Variants in ZFP14 observed in about 807,000 individuals in gnomAD.
ZFP14 encodes zinc finger protein 14 homolog.
In ZFP14, 22 loss-of-function variants were observed where a neutral mutation model predicts 54.5. That is an observed-to-expected ratio of 0.40 (90% CI 0.29 to 0.58). ZFP14 has a LOEUF of 0.58. Among genes scored for constraint, ZFP14 ranks in the 20% least tolerant of loss-of-function variants. The probability of loss-of-function intolerance (pLI) is 0.39; values close to 1 mark genes in which losing one functional copy is unlikely to be tolerated. For synonymous variants in ZFP14, 159 were observed against 204.0 expected (o/e 0.78, Z 1.88); for missense variants, 470 against 637.8 (o/e 0.74, Z 2.83).
chr19:36,356,423 C>G (rs2031614731), intron 4 of ZFP14, among the ~76,000 whole-genome samples: 1 of 148,464 alleles, frequency 6.7e-6, no homozygotes, highest in Admixed American at 6.7e-5. Flanking sequence ...GCGAGACTGT[C>G]TCAAAAAAAA....
intron 1 of ZFP14, among the ~76,000 whole-genome samples, chr19:36,371,658 A>T (rs536430598): frequency 5.3e-5 from 8 of 152,062 alleles, no homozygotes; most frequent in Admixed American, 5.2e-4. Context: ...ACAAGTAGAA[A>T]GCTTATTTAA....
chr19:36,341,048 C>A lies in ZFP14; in HGVS notation c.778G>T (p.Glu260Ter), dbSNP rs75480801. Residue 260 changes from glutamate (E) to a stop codon, truncating the protein, a stop_gained, in exon 5 of 5, where the codon GAA (glutamate) becomes TAA (stop). Transcript: ENST00000270001. LOFTEE classifies it high-confidence loss of function. The surrounding 1 kb of genome is among the most constrained non-coding windows in gnomAD (Gnocchi z 4.2). ...HTGEKPYECK[E>*]CGKAFRVHQQ... The stretch of plus-strand genomic sequence containing the variant: ...TGTACTCTAAAGGCCTTTCCACATT[C>A]CTTACATTCATAGGGTTTTTCACCC... 8 of 1,613,926 alleles carry A rather than the reference C, an allele frequency of 5.0e-6. No homozygotes were observed. Among genetic ancestry groups the A allele is most frequent in the Non-Finnish European group, 4.2e-6 (5 of 1,180,000 alleles).
At chr19:36,349,563 G>A (rs1450978259) in intron 4 of ZFP14, among the ~76,000 whole-genome samples, 1 of 150,824 alleles carries the variant, frequency 6.6e-6, no homozygotes, top group Non-Finnish European at 1.5e-5. Flanking sequence ...CTACTTAGGA[G>A]GCTGAGGCAG....
intron 4 of ZFP14, among the ~76,000 whole-genome samples, chr19:36,351,846 G>A (rs2031530991): frequency 7.0e-6 from 1 of 142,814 alleles, no homozygotes; most frequent in Non-Finnish European, 1.6e-5. Context: ...GTGATGCAGT[G>A]AGACCTTGTC....
intron 4 of ZFP14, among the ~76,000 whole-genome samples, chr19:36,354,818 T>C (rs1027346432): frequency 2.1e-5 from 3 of 142,520 alleles, no homozygotes; most frequent in Non-Finnish European, 4.7e-5. Flanking sequence ...ACTACAGGCA[T>C]GTGCCACCAC....
At chr19:36,342,772 T>G (rs1335465497) in intron 4 of ZFP14, among the ~76,000 whole-genome samples, 1 of 138,266 alleles carries the variant, frequency 7.2e-6, no homozygotes, top group Non-Finnish European at 1.6e-5. Flanking sequence ...GTGCAGACAT[T>G]TATTATTAAT....
In ZFP14 at chr19:36,339,368, C is replaced by A. The variant is rs2031266127; in HGVS notation, c.*856G>T. On this transcript the variant is annotated 3_prime_UTR_variant, in exon 5 of 5. Coordinates refer to ENST00000270001, the MANE Select transcript of ZFP14 (RefSeq NM_020917.3). ...GCAGGCTGACTCTAAACAGGCCCCC[C>A]AGTGGTCCTGTCTCCAGGACTTATT... is the stretch of plus-strand genomic sequence containing the variant. 6.6e-6 allele frequency: 1 copy of A among 152,196 alleles called. No homozygotes were observed. Among genetic ancestry groups the A allele is most frequent in the Admixed American group, 6.5e-5 (1 of 15,278 alleles). The allele number at this position is 152,196 out of a possible 1,614,324, so 9.4% of individuals were successfully genotyped here. A position where few individuals can be genotyped will look rare whatever the true frequency, so the allele number is the denominator to read the frequency against.
chr19:36,360,974 GTTAA>G (rs1387235012), intron 3 of ZFP14, among the ~76,000 whole-genome samples: 5 of 152,104 alleles, frequency 3.3e-5, no homozygotes, highest in African/African-American at 9.7e-5. Context: ...TGTTGTGAGG[GTTAA>G]TTAATAATGA....
chr19:36,367,877 A>G lies in ZFP14; in HGVS notation c.9+7T>C, dbSNP rs1297465925. On this transcript the variant is annotated splice_region_variant and intron_variant, in intron 2 of 4. Transcript: ENST00000270001. ...ATTTCGAAAAGGACAGAGAAACATT[A>G]ACTTACATGGGCCATGGTTTTAGAA... 1 of 1,611,904 alleles carries G rather than the reference A, an allele frequency of 6.2e-7. No individual in the cohort carries two copies. Among genetic ancestry groups the G allele is most frequent in the South Asian group, 1.1e-5 (1 of 90,594 alleles).
intron 4 of ZFP14, among the ~76,000 whole-genome samples, chr19:36,352,102 T>A (rs541606752): frequency 1.4e-5 from 2 of 140,214 alleles, no homozygotes; most frequent in South Asian, 4.5e-4. Context: ...GAGAACGGCG[T>A]GAACTCGGGA....
chr19:36,341,637 A>G lies in ZFP14; in HGVS notation c.236-47T>C, dbSNP rs1305079514. Reference sequence around the variant, plus strand: ...AATACATACTGTTTTCCTGTTCCAGAAAGAAAAAACAAACAAACAAAAAAA... The same window carrying G: ...AATACATACTGTTTTCCTGTTCCAGGAAGAAAAAACAAACAAACAAAAAAA... On this transcript the variant is annotated intron_variant, in intron 4 of 4. Transcript: ENST00000270001. The surrounding 1 kb of genome is among the most constrained non-coding windows in gnomAD (Gnocchi z 4.2). 6.7e-7 allele frequency: 1 copy of G among 1,500,574 alleles called. No individual in the cohort carries two copies. Among genetic ancestry groups the G allele is most frequent in the Non-Finnish European group, 8.8e-7 (1 of 1,131,370 alleles). The allele number at this position is 1,500,574 out of a possible 1,614,324, so 93.0% of individuals were successfully genotyped here. A position where few individuals can be genotyped will look rare whatever the true frequency, so the allele number is the denominator to read the frequency against.
In ZFP14 at chr19:36,336,950, G is replaced by A. The variant is rs1210061860; in HGVS notation, c.*3274C>T. ...GCCAATTTAGTTTCCAGCTCTCTTT[G>A]CCAATTATTTCTTTTGCTAGAATAT... On this transcript the variant is annotated 3_prime_UTR_variant, in exon 5 of 5. Transcript: ENST00000270001. 1 of 131,032 alleles carries A rather than the reference G, an allele frequency of 7.6e-6. No homozygotes were observed. Among genetic ancestry groups the A allele is most frequent in the Non-Finnish European group, 1.7e-5 (1 of 59,820 alleles). 8.1% of individuals were successfully genotyped at this position (131,032 alleles called of 1,614,324 possible).
At chr19:36,359,953 C>T (rs1184281277) in intron 4 of ZFP14, among the ~76,000 whole-genome samples, 1 of 152,104 alleles carries the variant, frequency 6.6e-6, no homozygotes, top group South Asian at 2.1e-4. Flanking sequence ...CCACGCCCAG[C>T]CTCTTATTAT....
At chr19:36,364,540 A>G (rs2031761550) in intron 2 of ZFP14, among the ~76,000 whole-genome samples, 4 of 152,142 alleles carry the variant, frequency 2.6e-5, no homozygotes, top group African/African-American at 9.7e-5. Context: ...GTGTGGGCAT[A>G]TCGGGTAAGA....
intron 4 of ZFP14, among the ~76,000 whole-genome samples, chr19:36,350,009 C>A (rs2145546697): frequency 7.2e-6 from 1 of 139,526 alleles, no homozygotes; most frequent in Non-Finnish European, 1.6e-5. Context: ...AAAATACACA[C>A]ACAAAAAAGT....
At chr19:36,346,844 C>G (rs1468637489) in intron 4 of ZFP14, among the ~76,000 whole-genome samples, 1 of 152,194 alleles carries the variant, frequency 6.6e-6, no homozygotes, top group Non-Finnish European at 1.5e-5. Flanking sequence ...TATACTATAA[C>G]AAACAGCCTT....
rs13346906 is a variant in ZFP14, at chr19:36,355,740, T to C, written c.235+4695A>G. Among the ~76,000 whole-genome samples the C allele has an allele frequency of 4.2e-3, 591 of 140,450 alleles. 60 individuals are homozygous for C. Among genetic ancestry groups the C allele is most frequent in the African/African-American group, 0.015 (563 of 38,338 alleles). The allele number at this position is 140,450 out of a possible 152,430, so 92.1% of individuals were successfully genotyped here. ...GTGACCTCTTTCTCTCTCTGTGTCA[T>C]ATGAGGACACAACAAGAAGGCAGCT... On this transcript the variant is annotated intron_variant, in intron 4 of 4. Coordinates refer to ENST00000270001, the MANE Select transcript of ZFP14 (RefSeq NM_020917.3).
intron 2 of ZFP14, among the ~76,000 whole-genome samples, chr19:36,364,168 G>A (rs895008437): frequency 6.6e-6 from 1 of 152,174 alleles, no homozygotes; most frequent in Non-Finnish European, 1.5e-5. Context: ...CCCTGTTGGT[G>A]AAGAAGGGAT....
rs1018885249 is a variant in ZFP14 at position 36,338,451 on chromosome 19, C to G, written c.*1773G>C. ...CTGTAACCCCAGCACCTTTGGAGGCCAAGGAGGGAGGATCACTTGAGCCCA... is the reference window on the plus strand; with the variant it reads ...CTGTAACCCCAGCACCTTTGGAGGCGAAGGAGGGAGGATCACTTGAGCCCA... On this transcript the variant is annotated 3_prime_UTR_variant, in exon 5 of 5. Transcript: ENST00000270001. 5 of 151,274 alleles carry G rather than the reference C, an allele frequency of 3.3e-5. No homozygotes were observed. The highest frequency in any genetic ancestry group is 1.2e-4 in the African/African-American group (5 of 41,064). The allele number at this position is 151,274 out of a possible 1,614,324, so 9.4% of individuals were successfully genotyped here.
Sources: gnomAD v4.1 joint callset for allele counts (sites outside exome capture counted in the v4.1 genomes callset) on GRCh38, gnomAD v4.1.1 for gene constraint, Gnocchi (gnomAD v3.1) non-coding constraint, MANE v1.5 for transcripts, NCBI Gene and HGNC (gene_info 2026-07-23, HGNC 2026-07-21) for gene names.